The following TRAPPC12 variants were observed in gnomAD, a reference collection of about 807,000 sequenced individuals.
The protein encoded by TRAPPC12 is TPR repeat protein 15.
Under a neutral mutation model 69.2 loss-of-function variants are expected in TRAPPC12, and 61 were observed. That is an observed-to-expected ratio of 0.88 (90% CI 0.72 to 1.09). The LOEUF (loss-of-function observed/expected upper bound fraction) is 1.09, where lower values mean the gene tolerates loss of function less well. Among genes scored for constraint, TRAPPC12 ranks in the 50% least tolerant of loss-of-function variants. The pLI is 0.00. For synonymous variants in TRAPPC12, 469 were observed against 438.9 expected, an observed-to-expected ratio of 1.07 and a Z score of -0.86; for missense variants, 1,101 against 1,016.4, an observed-to-expected ratio of 1.08 and a Z score of -1.13.
intron 2 of TRAPPC12, among the ~76,000 whole-genome samples, chr2:3,401,248 C>T (rs1215318900): frequency 1.3e-5 from 2 of 152,194 alleles, no homozygotes; most frequent in Non-Finnish European, 2.9e-5. Flanking sequence ...GGTAATTTAA[C>T]TTCTTTAGCC....
At chr2:3,425,859 G>C (rs1426717214) in intron 5 of TRAPPC12, among the ~76,000 whole-genome samples, 2 of 152,172 alleles carry the variant, frequency 1.3e-5, no homozygotes, top group East Asian at 1.9e-4. Flanking sequence ...TGTTGAACTT[G>C]GTTGATACTA....
chr2:3,465,535 C>A, intron 8 of TRAPPC12, 62 bp from the exon 9 acceptor site: 1 of 1,139,618 alleles, frequency 8.8e-7, no homozygotes, highest in Non-Finnish European at 1.3e-6. Flanking sequence ...TGCTCTTCTA[C>A]ACGTGTGAAA....
chr2:3,443,738 G>T (rs1389917128), intron 5 of TRAPPC12, 41 bp from the exon 6 acceptor site: 1 of 1,552,726 alleles, frequency 6.4e-7, no homozygotes, highest in Non-Finnish European at 8.9e-7. Flanking sequence ...TGCGTGCTCA[G>T]TTATGGCAAA....
chr2:3,453,919 A>C (rs1321658936), intron 6 of TRAPPC12, among the ~76,000 whole-genome samples: 1 of 152,240 alleles, frequency 6.6e-6, no homozygotes, highest in African/African-American at 2.4e-5. Flanking sequence ...CAGCAATAAA[A>C]GCTACCAACT....
chr2:3,465,766 T>A (rs1385451154), intron 9 of TRAPPC12, 71 bp downstream of exon 9: 3 of 1,021,720 alleles, frequency 2.9e-6, no homozygotes, highest in Admixed American at 3.5e-5. Flanking sequence ...GGCGACTGTT[T>A]GCTTTTAATC....
chr2:3,387,130 G>A (rs1660529729), intron 1 of TRAPPC12, among the ~76,000 whole-genome samples: 1 of 152,186 alleles, frequency 6.6e-6, no homozygotes, highest in Non-Finnish European at 1.5e-5. Context: ...AGCAACCCAC[G>A]TGTTCAACAA....
chr2:3,477,328 T>C (rs951355522), intron 9 of TRAPPC12, among the ~76,000 whole-genome samples: 1 of 152,266 alleles, frequency 6.6e-6, no homozygotes, highest in African/African-American at 2.4e-5. Context: ...TAAGTTGACG[T>C]AGGACCTGCT....
In TRAPPC12 at chr2:3,388,508, C is replaced by T; in HGVS notation, c.885C>T (p.Ala295=). 2 of 1,612,992 alleles carry T rather than the reference C, an allele frequency of 1.2e-6. No individual in the cohort carries two copies. The highest frequency in any genetic ancestry group is 1.1e-5 in the South Asian group (1 of 91,060). ...AVFAGSDDPF[A]TALSMSEMDR... is the part of the protein sequence containing the mutation. The stretch of plus-strand genomic sequence containing the variant: ...TTGCAGGGAGTGACGACCCCTTTGC[C>T]ACCGCCCTGAGCATGAGCGAGATGG... The change falls in exon 2 of 12, where the codon GCC becomes GCT. Residue 295 remains alanine (A), a synonymous_variant. Coordinates refer to ENST00000324266, the MANE Select transcript of TRAPPC12 (RefSeq NM_016030.6).
At chr2:3,459,212 A>G (rs181306657) in intron 7 of TRAPPC12, among the ~76,000 whole-genome samples, 79 of 152,240 alleles carry the variant, frequency 5.2e-4, no homozygotes, top group Admixed American at 1.8e-3. Flanking sequence ...GGCCAGGAGC[A>G]CTCCCAGGGC....
At position 3,388,948 on chromosome 2, in the gene TRAPPC12, C is replaced by G. The variant is rs115156968; in HGVS notation, c.1047+278C>G. ...ATTCTCTCAGTCAGTTCTCCATGTC[C>G]TGTAATCCATTTGACATTTGAACTC... is the stretch of plus-strand genomic sequence containing the variant. On this transcript the variant is annotated intron_variant, in intron 2 of 11. Transcript: ENST00000324266. 1.6e-3 allele frequency: 578 copies of G among 366,868 alleles called. 2 individuals are homozygous for G. The highest frequency in any genetic ancestry group is 0.011 in the African/African-American group (546 of 47,938). The allele number at this position is 366,868 out of a possible 1,614,324, so 22.7% of individuals were successfully genotyped here.
Position 3,388,346 on chromosome 2 carries a change from C to T in TRAPPC12, c.723C>T (p.Gly241=). 6.3e-7 allele frequency: 1 copy of T among 1,582,874 alleles called. No homozygotes were observed. Among genetic ancestry groups the T allele is most frequent in the African/African-American group, 1.4e-5 (1 of 73,212 alleles). Residue 241 remains glycine, a synonymous_variant, in exon 2 of 12, where the codon GGC becomes GGT. Coordinates refer to ENST00000324266, the MANE Select transcript of TRAPPC12 (RefSeq NM_016030.6). The part of the protein sequence containing the change: ...AFISVSNPGA[G]SPAPASPPPL... The stretch of plus-strand genomic sequence containing the variant: ...TTTCCGTCAGCAATCCCGGCGCGGG[C>T]TCCCCGGCCCCCGCCAGCCCGCCTC...
intron 3 of TRAPPC12, among the ~76,000 whole-genome samples, chr2:3,412,122 T>G (rs1662098147): frequency 6.6e-6 from 1 of 152,232 alleles, no homozygotes; most frequent in African/African-American, 2.4e-5. Context: ...CCACAATTTT[T>G]TTGCATGCCA....
At chr2:3,459,380 T>C (rs796224355) in intron 7 of TRAPPC12, among the ~76,000 whole-genome samples, 4 of 152,170 alleles carry the variant, frequency 2.6e-5, no homozygotes, top group African/African-American at 4.8e-5. Flanking sequence ...GTCAATAATA[T>C]GTTCATTTCA....
At chr2:3,387,580 A>C (rs1278037952) in intron 1 of TRAPPC12, 40 bp from the exon 2 acceptor site, 7 of 1,431,058 alleles carry the variant, frequency 4.9e-6, no homozygotes, top group African/African-American at 2.9e-5. Context: ...AGGTGAATGA[A>C]GATCACGCTC....
chr2:3,429,515 G>T (rs1188277174), intron 5 of TRAPPC12, among the ~76,000 whole-genome samples: 1 of 152,190 alleles, frequency 6.6e-6, no homozygotes, highest in Non-Finnish European at 1.5e-5. Context: ...GCGTTTCTCT[G>T]ATTTTGAAAC....
chr2:3,419,854 C>T (rs1200082059), intron 3 of TRAPPC12, among the ~76,000 whole-genome samples: 1 of 152,158 alleles, frequency 6.6e-6, no homozygotes, highest in African/African-American at 2.4e-5. Flanking sequence ...TGAAAAATAG[C>T]ATGGACAACA....
intron 3 of TRAPPC12, among the ~76,000 whole-genome samples, chr2:3,403,282 G>C (rs1279761235): frequency 1.4e-5 from 2 of 141,284 alleles, no homozygotes; most frequent in East Asian, 4.1e-4. Flanking sequence ...GCCCAGGCTG[G>C]AGTGCAATGG....
At chr2:3,445,951 C>A (rs528759832) in intron 6 of TRAPPC12, among the ~76,000 whole-genome samples, 45 of 152,312 alleles carry the variant, frequency 3.0e-4, no homozygotes, top group African/African-American at 1.1e-3. Context: ...TGGGCTGGGC[C>A]CTCCTGAGAC....
chr2:3,470,069 G>A (rs932052942), intron 9 of TRAPPC12, among the ~76,000 whole-genome samples: 1 of 152,174 alleles, frequency 6.6e-6, no homozygotes, highest in Non-Finnish European at 1.5e-5. Context: ...GCATCGCGTC[G>A]ATGCTGAGTC....
Sources: allele counts gnomAD v4.1 joint callset (sites outside exome capture counted in the v4.1 genomes callset), GRCh38; gene constraint gnomAD v4.1.1; transcripts MANE v1.5; gene names NCBI Gene and HGNC (gene_info 2026-07-23, HGNC 2026-07-21).